CLSTN1: variants seen among roughly 807,000 people sequenced by gnomAD.
CLSTN1 encodes the protein calsyntenin 1.
In CLSTN1, 28 loss-of-function variants were observed where a neutral mutation model predicts 108.3. The ratio of observed to expected loss-of-function variants is 0.26; its 90% CI spans 0.19 to 0.35. CLSTN1 has a LOEUF of 0.35. Ranked by LOEUF, CLSTN1 falls within the 10% of genes least tolerant of loss-of-function variation. The pLI is 1.00. For missense variants in CLSTN1, 1,157 were observed against 1,302.6 expected, an observed-to-expected ratio of 0.89 and a Z score of 1.72; for synonymous variants, 524 against 534.9, an observed-to-expected ratio of 0.98 and a Z score of 0.28.
chr1:9,788,247 C>A (rs1456630512), intron 1 of CLSTN1, among the ~76,000 whole-genome samples: 3 of 151,290 alleles, frequency 2.0e-5, no homozygotes, highest in African/African-American at 4.8e-5. Flanking sequence ...CAGAGTGAGA[C>A]CCTGTCTCAA....
At chr1:9,733,043 T>TA (rs36037808) in intron 16 of CLSTN1, among the ~76,000 whole-genome samples, 1 of 152,058 alleles carries the variant, frequency 6.6e-6, no homozygotes, top group Non-Finnish European at 1.5e-5. Flanking sequence ...AATAAATAAA[T>TA]AAAACCACAT....
chr1:9,777,097 G>A (rs542185251), intron 1 of CLSTN1, among the ~76,000 whole-genome samples: 1 of 151,824 alleles, frequency 6.6e-6, no homozygotes, highest in South Asian at 2.1e-4. Context: ...ACACGCACCT[G>A]TAGACCCAGC....
intron 2 of CLSTN1, among the ~76,000 whole-genome samples, chr1:9,758,190 T>C (rs1055444505): frequency 2.0e-5 from 3 of 152,060 alleles, no homozygotes; most frequent in African/African-American, 7.2e-5. Flanking sequence ...ATGGGGTTTC[T>C]CTGTGTTGGT....
intron 1 of CLSTN1, among the ~76,000 whole-genome samples, chr1:9,816,034 G>A (rs1434128190): frequency 1.3e-5 from 2 of 152,182 alleles, no homozygotes; most frequent in Admixed American, 6.6e-5. Context: ...GAAAACATAT[G>A]TCCACACAAA....
At chr1:9,738,851 G>A (rs1650824671) in intron 10 of CLSTN1, among the ~76,000 whole-genome samples, 1 of 152,110 alleles carries the variant, frequency 6.6e-6, no homozygotes, top group South Asian at 2.1e-4. Context: ...GTTTCACCAT[G>A]TTGGCCAGGC....
chr1:9,771,286 C>T (rs1557707504), intron 2 of CLSTN1, among the ~76,000 whole-genome samples: 1 of 152,134 alleles, frequency 6.6e-6, no homozygotes. Context: ...TCGAGACCAG[C>T]CTGAACAACA....
chr1:9,744,942 C>T (rs544942531), intron 7 of CLSTN1, among the ~76,000 whole-genome samples: 10 of 152,160 alleles, frequency 6.6e-5, no homozygotes, highest in East Asian at 1.9e-4. Context: ...TCAGGAGAGC[C>T]GGAGTTTCAC....
rs36081057 is a variant in CLSTN1, at chr1:9,733,416, G to A, written c.2412C>T (p.Asn804=). The change falls in exon 16 of 19, where the codon AAC becomes AAT. Residue 804 remains asparagine (N), a synonymous_variant. Transcript: ENST00000377298. ...CSELNGRYIS[N]EFKVEVNVIH... is the part of the protein sequence containing the mutation. ...TTGTACTCACCTCCACCTTAAATTC[G>A]TTGCTGATGTAGCGGCCATTCAGCT... 160 of 1,614,176 alleles carry A rather than the reference G, an allele frequency of 9.9e-5. No individual in the cohort carries two copies. The African/African-American group carries it at 1.4e-3, about 14-fold the overall frequency.
intron 2 of CLSTN1, among the ~76,000 whole-genome samples, chr1:9,765,748 C>T (rs982770827): frequency 2.7e-5 from 4 of 149,858 alleles, no homozygotes; most frequent in African/African-American, 9.8e-5. Context: ...GGCGTGGTGG[C>T]GGCGGGCGCC....
At chr1:9,811,635 T>C (rs763697581) in intron 1 of CLSTN1, among the ~76,000 whole-genome samples, 1 of 151,962 alleles carries the variant, frequency 6.6e-6, no homozygotes, top group Non-Finnish European at 1.5e-5. Flanking sequence ...TTTAATAATT[T>C]TAGCCCAGAG....
chr1:9,779,036 AAAGAAG>A (rs550799833), intron 1 of CLSTN1, among the ~76,000 whole-genome samples: 14 of 151,338 alleles, frequency 9.3e-5, no homozygotes, highest in South Asian at 2.1e-4. Context: ...AAAAAAAAAA[AAAGAAG>A]AAGAAGAAGA....
At position 9,730,579 on chromosome 1, in the gene CLSTN1, C is replaced by T; in HGVS notation, c.2875G>A (p.Glu959Lys). The T allele has an allele frequency of 3.1e-6, 5 of 1,609,530 alleles. No homozygotes were observed. The highest frequency in any genetic ancestry group is 4.2e-6 in the Non-Finnish European group (5 of 1,179,974). ...ESESSEEEEG[E>K]QGDPQNATRQ... is the part of the protein sequence containing the mutation. ...GTTGCGTTCTGGGGGTCGCCCTGCT[C>T]CCCCTCCTCCTCCTCGCTGCTCTCC... Residue 959 changes from glutamate to lysine, a missense_variant, in exon 19 of 19, where the codon GAG becomes AAG. Glu to Lys is a moderately conservative substitution (Grantham distance 56). Coordinates refer to ENST00000377298, the MANE Select transcript of CLSTN1 (RefSeq NM_001009566.3). This position sits in a 1 kb window ranked among gnomAD's most constrained non-coding sequence, Gnocchi z 5.6.
chr1:9,811,850 A>C (rs944551615), intron 1 of CLSTN1, among the ~76,000 whole-genome samples: 4 of 152,204 alleles, frequency 2.6e-5, no homozygotes, highest in African/African-American at 4.8e-5. Flanking sequence ...TTTAAAAGTA[A>C]ACATAGGCCA....
At chr1:9,737,355 A>C in intron 11 of CLSTN1, 143 bp downstream of exon 11, 1 of 752,998 alleles carries the variant, frequency 1.3e-6, no homozygotes, top group Non-Finnish European at 2.4e-6. Context: ...CCATGAAGCA[A>C]TGGGGAAGCG....
chr1:9,743,565 G>A (rs1220854109), intron 9 of CLSTN1, among the ~76,000 whole-genome samples: 1 of 151,940 alleles, frequency 6.6e-6, no homozygotes, highest in Admixed American at 6.6e-5. Flanking sequence ...CTTTTTCTTT[G>A]GAGACGGGGT....
rs375649059 is a variant in CLSTN1, at chr1:9,805,647, A to G, written c.91+17996T>C. ...TTTGGGAGGCCGAGGCAAGTGGATCACCTGAGGTCAGGAGTTCAAGATCGG... is the reference window on the plus strand; with the variant it reads ...TTTGGGAGGCCGAGGCAAGTGGATCGCCTGAGGTCAGGAGTTCAAGATCGG... On this transcript the variant is annotated intron_variant, in intron 1 of 18. Transcript: ENST00000377298. Among the ~76,000 whole-genome samples the G allele has an allele frequency of 7.2e-5, 11 of 152,158 alleles. No homozygotes were observed. The East Asian group carries it at 2.1e-3, about 29-fold the overall frequency.
chr1:9,786,504 G>A (rs1411004256), intron 1 of CLSTN1, among the ~76,000 whole-genome samples: 1 of 151,932 alleles, frequency 6.6e-6, no homozygotes, highest in Non-Finnish European at 1.5e-5. Context: ...TTAGCCAGGT[G>A]TGGTGGTGGG....
chr1:9,811,558 G>GT (rs1654756088), intron 1 of CLSTN1, among the ~76,000 whole-genome samples: 1 of 145,818 alleles, frequency 6.9e-6, no homozygotes, highest in African/African-American at 2.5e-5. Flanking sequence ...CAAGGCACTA[G>GT]TAACTGAGGG....
rs149193938 is a variant in CLSTN1 at position 9,753,424 on chromosome 1, T to C, written c.440+1690A>G. Among the ~76,000 whole-genome samples the C allele has an allele frequency of 8.5e-5, 13 of 152,088 alleles. No homozygotes were observed. The East Asian group carries it at 2.3e-3, about 27-fold the overall frequency. On this transcript the variant is annotated intron_variant, in intron 4 of 18. Coordinates refer to ENST00000377298, the MANE Select transcript of CLSTN1 (RefSeq NM_001009566.3). ...CTCTGCTACAACTGCAGTTCCTAAC[T>C]GGCAGGAGGTGCAGCAACACACTCA...
Sources: gnomAD v4.1 joint callset for allele counts (sites outside exome capture counted in the v4.1 genomes callset) on GRCh38, gnomAD v4.1.1 for gene constraint, Gnocchi (gnomAD v3.1) non-coding constraint, MANE v1.5 for transcripts, NCBI Gene and HGNC (gene_info 2026-07-23, HGNC 2026-07-21) for gene names.